The following ZNF236 variants were observed in gnomAD, a reference collection of about 807,000 sequenced individuals.
ZNF236 encodes the protein regulated by glucose.
A neutral mutation model predicts 191.2 loss-of-function variants in ZNF236; 50 were observed. That is an observed-to-expected ratio of 0.26 (90% CI 0.21 to 0.33). The LOEUF (loss-of-function observed/expected upper bound fraction) is 0.33, where lower values mean the gene tolerates loss of function less well. Among genes scored for constraint, ZNF236 ranks in the 10% least tolerant of loss-of-function variants. The probability of loss-of-function intolerance (pLI) is 1.00; values close to 1 mark genes in which losing one functional copy is unlikely to be tolerated. For synonymous variants in ZNF236, 907 were observed against 928.8 expected (o/e 0.98, Z 0.43); for missense variants, 1,754 against 2,374.5 (o/e 0.74, Z 5.43).
chr18:76,957,403 C>G (rs952548187), intron 28 of ZNF236, among the ~76,000 whole-genome samples: 1 of 152,256 alleles, frequency 6.6e-6, no homozygotes, highest in African/African-American at 2.4e-5. Flanking sequence ...GTGGTGCTTG[C>G]GGTGGCTCCT....
chr18:76,937,016 C>T, intron 25 of ZNF236, 140 bp from the exon 26 acceptor site: 1 of 638,900 alleles, frequency 1.6e-6, no homozygotes, highest in African/African-American at 1.8e-5. Context: ...AATTGAAGAC[C>T]CTGTGATTTC....
intron 1 of ZNF236, among the ~76,000 whole-genome samples, chr18:76,842,703 A>T (rs915774700): frequency 4.0e-5 from 6 of 151,820 alleles, no homozygotes; most frequent in Non-Finnish European, 8.8e-5. Flanking sequence ...GTGAGCAGAG[A>T]TCGCGCCATC....
intron 10 of ZNF236, among the ~76,000 whole-genome samples, chr18:76,897,314 T>A (rs985795239): frequency 6.6e-6 from 1 of 151,360 alleles, no homozygotes; most frequent in Non-Finnish European, 1.5e-5. Flanking sequence ...CAAACAGTAC[T>A]GCACACAGGC....
intron 25 of ZNF236, among the ~76,000 whole-genome samples, chr18:76,932,168 G>C (rs1254252205): frequency 6.6e-6 from 1 of 152,202 alleles, no homozygotes; most frequent in African/African-American, 2.4e-5. Flanking sequence ...ATATAAAGGA[G>C]AGGTGATGGC....
intron 28 of ZNF236, among the ~76,000 whole-genome samples, chr18:76,956,785 G>A (rs1458025573): frequency 6.6e-6 from 1 of 152,224 alleles, no homozygotes; most frequent in Admixed American, 6.5e-5. Flanking sequence ...ATTCCAGCAG[G>A]GTGCTCTGAT....
intron 1 of ZNF236, among the ~76,000 whole-genome samples, chr18:76,834,043 C>A (rs1170992469): frequency 6.6e-6 from 1 of 152,060 alleles, no homozygotes; most frequent in Non-Finnish European, 1.5e-5. Context: ...ATATATAAGA[C>A]AACTGAAGTT....
chr18:76,956,177 C>T lies in ZNF236; in HGVS notation c.5107C>T (p.Leu1703Phe), dbSNP rs1421719675. Residue 1703 changes from leucine to phenylalanine, a missense_variant, in exon 28 of 31, where the codon CTC (leucine) becomes TTC (phenylalanine). Transcript: ENST00000320610. ...GAAGGCCTTCAAGCGCGCCACGCAC[C>T]TCAAGGTAGGCCCACTGTGCCAGGG... Reference protein sequence around the residue: ...CRKAFKRATHLKEHMQTHQAG... With the variant: ...CRKAFKRATHFKEHMQTHQAG... The T allele has an allele frequency of 6.5e-7, 1 of 1,547,592 alleles. No individual in the cohort carries two copies. The highest frequency in any genetic ancestry group is 8.7e-7 in the Non-Finnish European group (1 of 1,148,486).
Position 76,837,127 on chromosome 18 carries a change from T to TCC in ZNF236, c.56-12388_56-12387dup, listed in dbSNP as rs57114708. ...CTGGCCTCAAGTGATCCGCACCCCCTCCCCCCCCCCCCGCCCCGCAAGCCT... is the reference window on the plus strand; with the variant it reads ...CTGGCCTCAAGTGATCCGCACCCCCTCCCCCCCCCCCCCCGCCCCGCAAGCCT... On this transcript the variant is annotated intron_variant, in intron 1 of 30. Transcript: ENST00000320610. 1.3e-4 allele frequency among the ~76,000 whole-genome samples: 5 copies of TCC among 37,080 alleles called. No individual in the cohort carries two copies. In the South Asian group the frequency reaches 6.5e-3, roughly 48 times the overall value. The allele number at this position is 37,080 out of a possible 152,430, so 24.3% of individuals were successfully genotyped here.
Position 76,851,038 on chromosome 18 carries a change from T to C in ZNF236, c.199-737T>C, listed in dbSNP as rs186714478. 5.7e-3 allele frequency among the ~76,000 whole-genome samples: 795 copies of C among 140,246 alleles called. 9 individuals are homozygous for C. Among genetic ancestry groups the C allele is most frequent in the African/African-American group, 0.02 (758 of 38,098 alleles). 92.0% of individuals were successfully genotyped at this position (140,246 alleles called of 152,430 possible). ...GCAGCTTTTTCTTTCTTTTTTTTTT[T>C]TTAAAAAAAAGCTTCATCATAAACT... On this transcript the variant is annotated intron_variant, in intron 2 of 30. Transcript: ENST00000320610.
intron 8 of ZNF236, 50 bp from the exon 9 acceptor site, chr18:76,881,234 A>T (rs371309412): frequency 2.0e-6 from 3 of 1,512,766 alleles, no homozygotes; most frequent in Non-Finnish European, 2.7e-6. Context: ...TTTGGTAGGC[A>T]GAGTTGGGCC....
intron 1 of ZNF236, chr18:76,834,978 G>GTTTT (rs35789549): frequency 2.5e-4 from 36 of 145,642 alleles, no homozygotes; most frequent in African/African-American, 4.8e-4. Context: ...TTTATTTTCT[G>GTTTT]TTTTTTTTTT....
intron 26 of ZNF236, among the ~76,000 whole-genome samples, chr18:76,943,895 G>A (rs374194672): frequency 6.6e-6 from 1 of 152,168 alleles, no homozygotes; most frequent in Non-Finnish European, 1.5e-5. Context: ...TAAGAGTTGT[G>A]TATAGGCCGG....
intron 26 of ZNF236, among the ~76,000 whole-genome samples, chr18:76,944,884 G>A (rs1045500513): frequency 1.3e-5 from 2 of 152,200 alleles, no homozygotes; most frequent in African/African-American, 4.8e-5. Flanking sequence ...TTTATTTTGA[G>A]ATAATTGTAG....
intron 1 of ZNF236, among the ~76,000 whole-genome samples, chr18:76,833,856 T>A (rs1430344517): frequency 2.0e-5 from 3 of 152,162 alleles, no homozygotes; most frequent in Non-Finnish European, 4.4e-5. Flanking sequence ...TTTTAATTTT[T>A]AAAATAATTT....
At position 76,875,937 on chromosome 18, in the gene ZNF236, A is replaced by G. The variant is rs1326865055; in HGVS notation, c.840+273A>G. ...AATAATCCTAATACCTTTGTTAGTTATAGTCTGTCATTCTAAATAATGTAT... is the reference window on the plus strand; with the variant it reads ...AATAATCCTAATACCTTTGTTAGTTGTAGTCTGTCATTCTAAATAATGTAT... On this transcript the variant is annotated intron_variant, in intron 6 of 30. Transcript: ENST00000320610. The surrounding 1 kb of genome is among the most constrained non-coding windows in gnomAD (Gnocchi z 4.3). 1.3e-5 allele frequency among the ~76,000 whole-genome samples: 2 copies of G among 152,232 alleles called. No homozygotes were observed. The highest frequency in any genetic ancestry group is 4.8e-5 in the African/African-American group (2 of 41,464).
At chr18:76,847,559 A>G (rs937162226) in intron 1 of ZNF236, among the ~76,000 whole-genome samples, 5 of 151,894 alleles carry the variant, frequency 3.3e-5, no homozygotes, top group African/African-American at 1.2e-4. Context: ...TCGGCCTCCC[A>G]GGTTCACGCC....
At chr18:76,924,908 C>G (rs751040183) in intron 21 of ZNF236, among the ~76,000 whole-genome samples, 8 of 152,192 alleles carry the variant, frequency 5.3e-5, no homozygotes, top group Non-Finnish European at 1.0e-4. Flanking sequence ...ATCAACTACT[C>G]CAATCAAGGT....
At chr18:76,956,217 C>A in intron 28 of ZNF236, 35 bp downstream of exon 28, 1 of 1,538,956 alleles carries the variant, frequency 6.5e-7, no homozygotes, top group Non-Finnish European at 8.7e-7. Flanking sequence ...GCTGTGTGCC[C>A]CCCAGGCGGC....
At chr18:76,947,736 G>C in intron 27 of ZNF236, 84 bp downstream of exon 27, 6 of 1,489,404 alleles carry the variant, frequency 4.0e-6, no homozygotes, top group Non-Finnish European at 5.4e-6. Context: ...GAGGGTTATG[G>C]GCGTGCTGTG....
Sources: gnomAD v4.1 joint callset for allele counts (sites outside exome capture counted in the v4.1 genomes callset) on GRCh38, gnomAD v4.1.1 for gene constraint, Gnocchi (gnomAD v3.1) non-coding constraint, MANE v1.5 for transcripts, NCBI Gene and HGNC (gene_info 2026-07-23, HGNC 2026-07-21) for gene names.